SDK1: variants seen among roughly 807,000 people sequenced by gnomAD.
The protein encoded by SDK1 is sidekick cell adhesion molecule 1.
Under a neutral mutation model 245.5 loss-of-function variants are expected in SDK1, and 157 were observed. That is an observed-to-expected ratio of 0.64 (90% CI 0.56 to 0.73). SDK1 has a LOEUF of 0.73. Ranked by LOEUF, SDK1 falls within the 30% of genes least tolerant of loss-of-function variation. The probability of loss-of-function intolerance (pLI) is 0.00; values close to 1 mark genes in which losing one functional copy is unlikely to be tolerated. For synonymous variants in SDK1, 1,647 were observed against 1,278.5 expected (o/e 1.29, Z -6.15); for missense variants, 3,583 against 3,002.3 (o/e 1.19, Z -4.52).
At chr7:3,323,521 A>G (rs377626577) in intron 1 of SDK1, among the ~76,000 whole-genome samples, 2 of 152,168 alleles carry the variant, frequency 1.3e-5, no homozygotes, top group African/African-American at 4.8e-5. Flanking sequence ...CTGTGGCTGT[A>G]GGACTGAGGC....
At chr7:3,616,100 C>T (rs558334296) in intron 1 of SDK1, among the ~76,000 whole-genome samples, 1 of 152,104 alleles carries the variant, frequency 6.6e-6, no homozygotes, top group African/African-American at 2.4e-5. Context: ...GTTGTCCAAG[C>T]TGGTCTTGCA....
intron 5 of SDK1, among the ~76,000 whole-genome samples, chr7:3,823,489 A>C (rs1421895810): frequency 2.6e-5 from 4 of 152,208 alleles, no homozygotes; most frequent in African/African-American, 2.4e-5. Context: ...CCTACTCTGT[A>C]AGGGCCAGCA....
At position 3,779,827 on chromosome 7, in the gene SDK1, G is replaced by A. The variant is rs528519387; in HGVS notation, c.714-41623G>A. On this transcript the variant is annotated intron_variant, in intron 4 of 44. Transcript: ENST00000404826. ...GGCGCCTGTAGTCCCAGCTACTCGGGAGGCTGAGGCAGGAGAATGGCGTGA... is the reference window on the plus strand; with the variant it reads ...GGCGCCTGTAGTCCCAGCTACTCGGAAGGCTGAGGCAGGAGAATGGCGTGA... 5.9e-3 allele frequency among the ~76,000 whole-genome samples: 900 copies of A among 151,844 alleles called. 14 individuals carry two copies. The highest frequency in any genetic ancestry group is 0.02 in the African/African-American group (830 of 41,374).
At chr7:3,658,185 C>T (rs1456185161) in intron 4 of SDK1, among the ~76,000 whole-genome samples, 1 of 152,128 alleles carries the variant, frequency 6.6e-6, no homozygotes, top group African/African-American at 2.4e-5. Flanking sequence ...TGTTAAGAGC[C>T]CTTTGTGAAT....
chr7:4,243,960 G>T (rs1445346832), intron 43 of SDK1, among the ~76,000 whole-genome samples: 1 of 152,158 alleles, frequency 6.6e-6, no homozygotes, highest in Non-Finnish European at 1.5e-5. Context: ...CACCATTTTA[G>T]CTCCTTAGAT....
At chr7:3,405,622 T>A (rs1187055615) in intron 1 of SDK1, among the ~76,000 whole-genome samples, 1 of 151,970 alleles carries the variant, frequency 6.6e-6, no homozygotes, top group Non-Finnish European at 1.5e-5. Flanking sequence ...TCTAGAAGGA[T>A]TTTGAGCAGG....
intron 19 of SDK1, among the ~76,000 whole-genome samples, chr7:4,064,125 A>G (rs1323765817): frequency 6.6e-6 from 1 of 152,228 alleles, no homozygotes; most frequent in Non-Finnish European, 1.5e-5. Flanking sequence ...AGGAAATGGT[A>G]AACAGAGTGA....
intron 1 of SDK1, among the ~76,000 whole-genome samples, chr7:3,500,649 G>C (rs190163862): frequency 3.3e-5 from 5 of 149,838 alleles, no homozygotes; most frequent in Admixed American, 1.3e-4. Flanking sequence ...CTTTGTGCTC[G>C]GTACTCAGTG....
At chr7:3,434,446 G>A (rs976879331) in intron 1 of SDK1, among the ~76,000 whole-genome samples, 14 of 152,162 alleles carry the variant, frequency 9.2e-5, no homozygotes, top group African/African-American at 4.8e-5. Flanking sequence ...CGTAGCTCGC[G>A]TGCCAACCAC....
At chr7:3,534,089 C>G (rs1187174794) in intron 1 of SDK1, among the ~76,000 whole-genome samples, 1 of 152,164 alleles carries the variant, frequency 6.6e-6, no homozygotes, top group African/African-American at 2.4e-5. Context: ...CGACATTGTT[C>G]TGTTCTCTGC....
At chr7:4,000,326 G>A (rs894729981) in intron 14 of SDK1, among the ~76,000 whole-genome samples, 1 of 152,320 alleles carries the variant, frequency 6.6e-6, no homozygotes, top group Non-Finnish European at 1.5e-5. Flanking sequence ...GCCCCCAGCG[G>A]CCTGATGCTT....
At chr7:3,501,303 GT>G (rs1363836767) in intron 1 of SDK1, among the ~76,000 whole-genome samples, 1 of 151,378 alleles carries the variant, frequency 6.6e-6, no homozygotes, top group African/African-American at 2.4e-5. Context: ...GCTATTAACT[GT>G]TTTTACTATT....
chr7:3,726,168 C>A (rs963122465), intron 4 of SDK1, among the ~76,000 whole-genome samples: 1 of 152,188 alleles, frequency 6.6e-6, no homozygotes, highest in African/African-American at 2.4e-5. Flanking sequence ...CATGTGAGAA[C>A]ATTTTAGATA....
At chr7:4,166,243 A>C (rs1781494240) in intron 32 of SDK1, among the ~76,000 whole-genome samples, 1 of 152,226 alleles carries the variant, frequency 6.6e-6, no homozygotes, top group Non-Finnish European at 1.5e-5. Flanking sequence ...TTCAGAACAC[A>C]TCTTGGGGCT....
intron 4 of SDK1, among the ~76,000 whole-genome samples, chr7:3,687,257 G>A (rs1184982974): frequency 7.9e-5 from 12 of 151,486 alleles, no homozygotes. Flanking sequence ...GCCTCCCAAG[G>A]AGCTGGGACT....
Position 4,268,393 on chromosome 7 carries a change from G to C in SDK1, c.*3009G>C. 9.4e-7 allele frequency: 1 copy of C among 1,069,232 alleles called. No homozygotes were observed. Among genetic ancestry groups the C allele is most frequent in the Non-Finnish European group, 1.1e-6 (1 of 876,618 alleles). The allele number at this position is 1,069,232 out of a possible 1,614,324, so 66.2% of individuals were successfully genotyped here. ...TGCACGGCCACCTTCTGGGTGAATC[G>C]GTCCAGCCCAAGCCCCTCTCCCCAG... On this transcript the variant is annotated 3_prime_UTR_variant, in exon 45 of 45. Transcript: ENST00000404826.
intron 1 of SDK1, among the ~76,000 whole-genome samples, chr7:3,617,481 A>G (rs886901593): frequency 1.3e-5 from 2 of 152,246 alleles, no homozygotes; most frequent in Non-Finnish European, 2.9e-5. Context: ...AGGAAAGACC[A>G]AGTGGGAAGG....
intron 5 of SDK1, among the ~76,000 whole-genome samples, chr7:3,851,626 A>G (rs373100227): frequency 6.6e-6 from 1 of 151,132 alleles, no homozygotes; most frequent in Non-Finnish European, 1.5e-5. Flanking sequence ...TTAAGAGGAG[A>G]CTTACTAAGT....
chr7:3,662,977 G>A (rs917908469), intron 4 of SDK1, among the ~76,000 whole-genome samples: 2 of 152,168 alleles, frequency 1.3e-5, no homozygotes, highest in Non-Finnish European at 2.9e-5. Context: ...CCTGTAATAT[G>A]TATTATGTAT....
Sources: gnomAD v4.1 joint callset for allele counts (sites outside exome capture counted in the v4.1 genomes callset) on GRCh38, gnomAD v4.1.1 for gene constraint, MANE v1.5 for transcripts, NCBI Gene and HGNC (gene_info 2026-07-23, HGNC 2026-07-21) for gene names.